The following ZNF442 variants were observed in gnomAD, a reference collection of about 807,000 sequenced individuals.
ZNF442 encodes zinc finger protein 442.
In ZNF442, 45 loss-of-function variants were observed where a neutral mutation model predicts 57.0. The ratio of observed to expected loss-of-function variants is 0.79; its 90% CI spans 0.62 to 1.01. ZNF442 has a LOEUF of 1.01. Ranked by LOEUF, ZNF442 falls within the 50% of genes least tolerant of loss-of-function variation. The pLI, the probability that ZNF442 is intolerant of heterozygous loss-of-function variation, is 0.00. For synonymous variants in ZNF442, 213 were observed against 241.8 expected (o/e 0.88, Z 1.10); for missense variants, 690 against 756.5 (o/e 0.91, Z 1.03).
chr19:12,351,192 A>G lies in ZNF442; in HGVS notation c.393T>C (p.Asn131=). ...GTCCAGCATCAAATGTGATATAGCAATTAAGGAATGAACAACCCATGATTT... is the reference window on the plus strand; with the variant it reads ...GTCCAGCATCAAATGTGATATAGCAGTTAAGGAATGAACAACCCATGATTT... ...CGEIMGCSFL[N]CYITFDAGHK... The change falls in exon 6 of 6, where the codon AAT becomes AAC. Residue 131 remains asparagine (N), a synonymous_variant. Coordinates refer to ENST00000242804, the MANE Select transcript of ZNF442 (RefSeq NM_030824.3). 1.2e-6 allele frequency: 2 copies of G among 1,614,140 alleles called. No individual in the cohort carries two copies. Among genetic ancestry groups the G allele is most frequent in the Non-Finnish European group, 1.7e-6 (2 of 1,180,022 alleles).
rs931080935 is a variant in ZNF442 at position 12,347,276 on chromosome 19, C to T, written c.*2425G>A. ...TTGTCTTATTCAAATTCTCAGTGACCTGTGACACAGCTGACCACTCTCCCC... is the reference window on the plus strand; with the variant it reads ...TTGTCTTATTCAAATTCTCAGTGACTTGTGACACAGCTGACCACTCTCCCC... On this transcript the variant is annotated 3_prime_UTR_variant, in exon 6 of 6. Coordinates refer to ENST00000242804, the MANE Select transcript of ZNF442 (RefSeq NM_030824.3). 21 of 152,146 alleles carry T rather than the reference C, an allele frequency of 1.4e-4. No individual in the cohort carries two copies. The highest frequency in any genetic ancestry group is 5.1e-4 in the African/African-American group (21 of 41,438). 9.4% of individuals were successfully genotyped at this position (152,146 alleles called of 1,614,324 possible). A position where few individuals can be genotyped will look rare whatever the true frequency, so the allele number is the denominator to read the frequency against.
rs763126424 is a variant in ZNF442 at position 12,349,840 on chromosome 19, G to A, written c.1745C>T (p.Thr582Ile). The A allele has an allele frequency of 1.9e-6, 3 of 1,611,082 alleles. No individual in the cohort carries two copies. In the South Asian group the frequency reaches 3.3e-5, roughly 18 times the overall value. ...YECQQCGKAF[T>I]RSRFLRGHEK... ...ATGTCCTCGAAGGAAACGAGAACGA[G>A]TGAAGGCTTTACCACATTGTTGACA... is the stretch of plus-strand genomic sequence containing the variant. The change falls in exon 6 of 6, where the codon ACT becomes ATT. Residue 582 changes from threonine to isoleucine, a missense_variant. Coordinates refer to ENST00000242804, the MANE Select transcript of ZNF442 (RefSeq NM_030824.3).
rs141537883 is a variant in ZNF442 at position 12,350,975 on chromosome 19, G to A, written c.610C>T (p.Arg204Cys). 114 of 1,614,076 alleles carry A rather than the reference G, an allele frequency of 7.1e-5. No individual in the cohort carries two copies. Among genetic ancestry groups the A allele is most frequent in the South Asian group, 1.3e-4 (12 of 91,076 alleles). ...GNLRRHIIVQRGGGPYICKLC... is the reference protein window; with the variant it reads ...GNLRRHIIVQCGGGPYICKLC... ...TTACATATATAAGGTCCACCTCCAC[G>A]TTGTACTATTATGTGTCTTCGAAGG... The change falls in exon 6 of 6, where the codon CGT (arginine) becomes TGT (cysteine). Residue 204 changes from arginine to cysteine, a missense_variant. Coordinates refer to ENST00000242804, the MANE Select transcript of ZNF442 (RefSeq NM_030824.3).
chr19:12,368,425 T>C (rs1391064153), upstream of ZNF442, among the ~76,000 whole-genome samples: 1 of 152,236 alleles, frequency 6.6e-6, no homozygotes, highest in Non-Finnish European at 1.5e-5. Context: ...TGGAAACTGA[T>C]AAATGTCCAT....
intron 2 of ZNF442, among the ~76,000 whole-genome samples, chr19:12,364,426 G>GAAAGAAAA (rs969978956): frequency 6.7e-6 from 1 of 148,388 alleles, no homozygotes; most frequent in African/African-American, 2.6e-5. Flanking sequence ...AAAAAAGAAA[G>GAAAGAAAA]AAAGAAAAAA....
chr19:12,363,336 T>C (rs1287909237), intron 3 of ZNF442, among the ~76,000 whole-genome samples: 1 of 151,990 alleles, frequency 6.6e-6, no homozygotes, highest in Admixed American at 6.6e-5. Context: ...ACCTCAGGGA[T>C]GGGCAGCACT....
Position 12,350,477 on chromosome 19 carries a change from T to C in ZNF442, c.1108A>G (p.Thr370Ala). Residue 370 changes from threonine (T) to alanine (A), a missense_variant, in exon 6 of 6, where the codon ACT becomes GCT. Transcript: ENST00000242804. ...TCATAGGGTTTCTCTCCAGTGTGAG[T>C]TCTTTCATGACTTTGCAGTGAACTA... ...CPSSLQSHER[T>A]HTGEKPYECK... is the part of the protein sequence containing the mutation. 1 of 1,614,162 alleles carries C rather than the reference T, an allele frequency of 6.2e-7. No homozygotes were observed. Among genetic ancestry groups the C allele is most frequent in the Admixed American group, 1.7e-5 (1 of 60,022 alleles).
rs765784420 is a variant in ZNF442 at position 12,350,383 on chromosome 19, C to T, written c.1202G>A (p.Gly401Glu). Residue 401 changes from glycine to glutamate, a missense_variant, in exon 6 of 6, where the codon GGA becomes GAA. By Grantham distance (98) the Gly-to-Glu change is moderately conservative (BLOSUM62 -2). Coordinates refer to ENST00000242804, the MANE Select transcript of ZNF442 (RefSeq NM_030824.3). Reference protein sequence around the residue: ...SFRSHMIMHTGDGPHKCKVCG... With the variant: ...SFRSHMIMHTEDGPHKCKVCG... ...TACCTTGCATTTGTGAGGTCCATCT[C>T]CAGTGTGCATTATCATATGACTTCG... 1.2e-6 allele frequency: 2 copies of T among 1,613,892 alleles called. No homozygotes were observed. The highest frequency in any genetic ancestry group is 3.3e-5 in the Admixed American group (2 of 60,000).
the ZNF442 span, among the ~76,000 whole-genome samples, chr19:12,371,971 C>A: frequency 4.5e-4 from 69 of 152,278 alleles, no homozygotes; most frequent in African/African-American, 1.6e-3. Flanking sequence ...TTAAGAGCTT[C>A]TGTACAGCAA....
the ZNF442 span, among the ~76,000 whole-genome samples, chr19:12,372,802 C>A: frequency 2.0e-5 from 3 of 152,164 alleles, no homozygotes; most frequent in Non-Finnish European, 4.4e-5. Flanking sequence ...GAGATGGAGT[C>A]TCACTCTGTC....
chr19:12,371,402 G>T, the ZNF442 span, among the ~76,000 whole-genome samples: 1 of 152,122 alleles, frequency 6.6e-6, no homozygotes, highest in Non-Finnish European at 1.5e-5. Context: ...CACATTAACT[G>T]CCTTTGGAGT....
At chr19:12,369,368 C>G (rs1488215565), upstream of ZNF442, among the ~76,000 whole-genome samples, 1 of 151,584 alleles carries the variant, frequency 6.6e-6, no homozygotes, top group African/African-American at 2.4e-5. Flanking sequence ...CCTGTAATCC[C>G]AGCACTTTGG....
rs143486774 is a variant in ZNF442 at position 12,363,618 on chromosome 19, C to A, written c.14G>T (p.Gly5Val). The A allele has an allele frequency of 4.3e-6, 7 of 1,614,162 alleles. No homozygotes were observed. In the East Asian group the frequency reaches 1.3e-4, roughly 31 times the overall value. Residue 5 changes from glycine (G) to valine (V), a missense_variant, in exon 3 of 6, where the codon GGG (glycine) becomes GTG (valine). Transcript: ENST00000242804. ...GAAGAGATCACTTCTGTCTTCTCCC[C>A]CAAATACAATCATTCAACTGGCTGA... is the stretch of plus-strand genomic sequence containing the variant. Reference protein sequence around the residue: MIVFGGEDRSDLFLP... With the variant: MIVFVGEDRSDLFLP...
chr19:12,361,876 C>T lies in ZNF442; in HGVS notation c.78+1678G>A, dbSNP rs548971548. ...CTGGGATTGCAGGAGCACGCCACCA[C>T]GCCTGACTGGTTTTCATATTTTTTT... On this transcript the variant is annotated intron_variant, in intron 3 of 5. Transcript: ENST00000242804. Among the ~76,000 whole-genome samples the T allele has an allele frequency of 3.9e-5, 6 of 152,318 alleles. No individual in the cohort carries two copies. In the East Asian group the frequency reaches 9.6e-4, roughly 24 times the overall value.
chr19:12,350,878 G>A lies in ZNF442; in HGVS notation c.707C>T (p.Pro236Leu), dbSNP rs769845862. Residue 236 changes from proline to leucine, a missense_variant, in exon 6 of 6, where the codon CCG becomes CTG. Pro to Leu is a moderately conservative substitution (Grantham distance 98). Coordinates refer to ENST00000242804, the MANE Select transcript of ZNF442 (RefSeq NM_030824.3). ...MHERTHTGEK[P>L]YECKQCCKAF... is the part of the protein sequence containing the mutation. ...TTTACAACACTGCTTACATTCATAC[G>A]GTTTCTCTCCAGTGTGAGTTCTTTC... 22 of 1,613,906 alleles carry A rather than the reference G, an allele frequency of 1.4e-5. No homozygotes were observed. Among genetic ancestry groups the A allele is most frequent in the African/African-American group, 4.0e-5 (3 of 74,876 alleles).
Position 12,353,034 on chromosome 19 carries a change from CAG to C in ZNF442, c.157_158del (p.Leu53ValfsTer10). 1 of 1,613,586 alleles carries C rather than the reference CAG, an allele frequency of 6.2e-7. No homozygotes were observed. The highest frequency in any genetic ancestry group is 1.1e-5 in the South Asian group (1 of 90,988). The stretch of plus-strand genomic sequence containing the variant: ...TGGTTTCCCACATCACATCTCTGTA[CAG>C]ACTCTTCTGTGATGGACCCAGCAAA... ...WALLGPSQKSLYRDVMWETIR... is the reference protein window; with the variant it reads ...WALLGPSQKSXYRDVMWETIR... On this transcript the variant is annotated frameshift_variant, in exon 4 of 6. Transcript: ENST00000242804. LOFTEE classifies it high-confidence loss of function.
intron 3 of ZNF442, among the ~76,000 whole-genome samples, chr19:12,354,620 G>C (rs1387974871): frequency 6.6e-6 from 1 of 151,792 alleles, no homozygotes; most frequent in Non-Finnish European, 1.5e-5. Context: ...GCCTAGGCTG[G>C]AGTGCCCTGG....
chr19:12,373,338 G>A, the ZNF442 span, among the ~76,000 whole-genome samples: 3 of 152,086 alleles, frequency 2.0e-5, no homozygotes, highest in Admixed American at 2.0e-4. Context: ...TAAGGAGTTG[G>A]AGACCAGCCT....
chr19:12,369,771 T>A (rs983225600), upstream of ZNF442, among the ~76,000 whole-genome samples: 3 of 151,828 alleles, frequency 2.0e-5, no homozygotes, highest in South Asian at 6.3e-4. Flanking sequence ...CTGGGCGTGG[T>A]GGTGCATGCC....
Sources: gnomAD v4.1 joint callset for allele counts (sites outside exome capture counted in the v4.1 genomes callset) on GRCh38, gnomAD v4.1.1 for gene constraint, MANE v1.5 for transcripts, NCBI Gene and HGNC (gene_info 2026-07-23, HGNC 2026-07-21) for gene names.